NOC3L: variants seen among roughly 807,000 people sequenced by gnomAD.
The protein encoded by NOC3L is nucleolar complex protein 3 homolog.
Under a neutral mutation model 102.5 loss-of-function variants are expected in NOC3L, and 85 were observed. The ratio of observed to expected loss-of-function variants is 0.83; its 90% CI spans 0.70 to 0.99. The LOEUF (loss-of-function observed/expected upper bound fraction) is 0.99, where lower values mean the gene tolerates loss of function less well. Among genes scored for constraint, NOC3L ranks in the 50% least tolerant of loss-of-function variants. The pLI is 0.00. For missense variants in NOC3L, 878 were observed against 914.9 expected, an observed-to-expected ratio of 0.96 and a Z score of 0.52; for synonymous variants, 303 against 309.4, an observed-to-expected ratio of 0.98 and a Z score of 0.22.
chr10:94,319,424 TAA>T, the NOC3L span, among the ~76,000 whole-genome samples: 1 of 152,214 alleles, frequency 6.6e-6, no homozygotes, highest in Non-Finnish European at 1.5e-5. Flanking sequence ...ATGGAACTAA[TAA>T]GACATATAAG....
chr10:94,348,096 G>A (rs2054367274), intron 10 of NOC3L, among the ~76,000 whole-genome samples: 1 of 149,852 alleles, frequency 6.7e-6, no homozygotes, highest in African/African-American at 2.4e-5. Context: ...TGAAATAACT[G>A]GCTGTCAGAT....
the NOC3L span, chr10:94,316,815 C>A: frequency 8.4e-7 from 1 of 1,197,250 alleles, no homozygotes; most frequent in Non-Finnish European, 1.2e-6. Context: ...TAGCCATTTA[C>A]CACTCACAAC....
intron 12 of NOC3L, 136 bp from the exon 13 acceptor site, chr10:94,344,651 A>G (rs2133993215): frequency 1.4e-6 from 1 of 700,234 alleles, no homozygotes; most frequent in African/African-American, 1.8e-5. Context: ...GAAATTTTTA[A>G]CAAAACAGAA....
At chr10:94,341,541 T>C in intron 14 of NOC3L, 132 bp downstream of exon 14, 2 of 433,344 alleles carry the variant, frequency 4.6e-6, no homozygotes, top group South Asian at 1.3e-4. Context: ...TCATAGGCCT[T>C]TGTCAAAATT....
At chr10:94,325,219 G>A in the NOC3L span, 15 of 788,540 alleles carry the variant, frequency 1.9e-5, no homozygotes, top group Middle Eastern at 3.5e-4. Flanking sequence ...GTCCCTTGAA[G>A]GCAGGTAGGA....
chr10:94,318,827 A>AAGGC, the NOC3L span, among the ~76,000 whole-genome samples: 1 of 152,184 alleles, frequency 6.6e-6, no homozygotes, highest in South Asian at 2.1e-4. Context: ...TTGGGAAGCC[A>AAGGC]AGGCAGGCTC....
chr10:94,346,505 CT>C lies in NOC3L; in HGVS notation c.1308del (p.Asp437IlefsTer12). ...TTTGGTTTATTAATGTCTTCTGTATCTTTTTTCACTTCTACTTCCTTGATTC... is the reference window on the plus strand; with the variant it reads ...TTTGGTTTATTAATGTCTTCTGTATCTTTTTCACTTCTACTTCCTTGATTC... The part of the protein sequence containing the change: ...CLRIKEVEVK[K>X]DTEDINKPKK... On this transcript the variant is annotated frameshift_variant, in exon 11 of 21. Coordinates refer to ENST00000371361, the MANE Select transcript of NOC3L (RefSeq NM_022451.11). LOFTEE classifies it high-confidence loss of function. The C allele has an allele frequency of 6.8e-7, 1 of 1,463,906 alleles. No individual in the cohort carries two copies. The highest frequency in any genetic ancestry group is 1.3e-5 in the South Asian group (1 of 75,532). 90.7% of individuals were successfully genotyped at this position (1,463,906 alleles called of 1,614,324 possible). A position where few individuals can be genotyped will look rare whatever the true frequency, so the allele number is the denominator to read the frequency against.
At chr10:94,320,381 T>C in the NOC3L span, among the ~76,000 whole-genome samples, 1 of 152,156 alleles carries the variant, frequency 6.6e-6, no homozygotes, top group Admixed American at 6.5e-5. Flanking sequence ...ATCATGTAAT[T>C]ATAAGGCCAT....
chr10:94,362,366 T>A (rs1564920671), intron 1 of NOC3L, among the ~76,000 whole-genome samples: 1 of 152,312 alleles, frequency 6.6e-6, no homozygotes, highest in East Asian at 1.9e-4. Flanking sequence ...AATTCGGATC[T>A]TTGGATTCCA....
the NOC3L span, among the ~76,000 whole-genome samples, chr10:94,316,046 A>G: frequency 9.2e-5 from 14 of 152,174 alleles, no homozygotes; most frequent in African/African-American, 3.4e-4. Flanking sequence ...GCAGCCAACA[A>G]AGAAAACAAG....
In NOC3L at chr10:94,355,028, A is replaced by G. The variant is rs761404205; in HGVS notation, c.631T>C (p.Leu211=). 22 of 1,612,900 alleles carry G rather than the reference A, an allele frequency of 1.4e-5. No individual in the cohort carries two copies. In the South Asian group the frequency reaches 1.4e-4, roughly 10 times the overall value. Residue 211 remains leucine, a synonymous_variant, in exon 6 of 21, where the codon TTA becomes CTA. Coordinates refer to ENST00000371361, the MANE Select transcript of NOC3L (RefSeq NM_022451.11). ...GCAATATGCATCTTCTTCTCCTGTA[A>G]TTTCTTCTTTCTCTCAATCAAATGT... is the stretch of plus-strand genomic sequence containing the variant. ...EEHLIERKKK[L]QEKKMHIAAL... is the part of the protein sequence containing the mutation.
intron 13 of NOC3L, among the ~76,000 whole-genome samples, chr10:94,343,282 C>T (rs1448180230): frequency 6.6e-6 from 1 of 151,928 alleles, no homozygotes; most frequent in Non-Finnish European, 1.5e-5. Context: ...TGGTGGCTCA[C>T]GCCTGTAATC....
the NOC3L span, among the ~76,000 whole-genome samples, chr10:94,320,438 C>G: frequency 6.6e-6 from 1 of 152,134 alleles, no homozygotes; most frequent in Admixed American, 6.5e-5. Flanking sequence ...AGAAGCCAGT[C>G]CTTTCTGGCC....
chr10:94,357,950 A>C (rs1379048562), intron 3 of NOC3L, 133 bp downstream of exon 3: 1 of 649,856 alleles, frequency 1.5e-6, no homozygotes, highest in East Asian at 2.6e-5. Flanking sequence ...TTTAGGAAAT[A>C]AGCTAAATAA....
At chr10:94,332,553 A>G (rs977877647), downstream of NOC3L, 105 of 150,222 alleles carry the variant, frequency 7.0e-4, no homozygotes, top group Middle Eastern at 6.8e-3. Flanking sequence ...GTGTGTTTAA[A>G]CATAAGCTTA....
intron 6 of NOC3L, among the ~76,000 whole-genome samples, chr10:94,353,667 A>C (rs907181773): frequency 1.3e-5 from 2 of 152,256 alleles, no homozygotes; most frequent in Admixed American, 6.5e-5. Flanking sequence ...TTTGTCATAT[A>C]GTTAGAAACA....
intron 4 of NOC3L, 131 bp from the exon 5 acceptor site, chr10:94,356,722 A>AGC (rs1303177748): frequency 2.3e-5 from 15 of 638,864 alleles, no homozygotes; most frequent in South Asian, 4.0e-5. Context: ...ACAATTAGTG[A>AGC]TTGAGGTGAG....
Position 94,361,003 on chromosome 10 carries a change from CCTGT to C in NOC3L, c.217+658_217+661del, listed in dbSNP as rs571433430. On this transcript the variant is annotated intron_variant, in intron 2 of 20. Transcript: ENST00000371361. ...TCCAGCCTGGGTGACAGAACAAGAC[CCTGT>C]CTATTTAAAATAATAATAATAATTT... Among the ~76,000 whole-genome samples, 34 of 151,980 alleles carry C rather than the reference CCTGT, an allele frequency of 2.2e-4. No homozygotes were observed. In the East Asian group the frequency reaches 2.3e-3, roughly 10 times the overall value.
At chr10:94,329,477 A>G (rs1346431529), downstream of NOC3L, 2 of 152,194 alleles carry the variant, frequency 1.3e-5, no homozygotes, top group Non-Finnish European at 2.9e-5. Flanking sequence ...TTCTAAAAAC[A>G]GAAGTGTTAA....
Sources: allele counts gnomAD v4.1 joint callset (sites outside exome capture counted in the v4.1 genomes callset), GRCh38; gene constraint gnomAD v4.1.1; transcripts MANE v1.5; gene names NCBI Gene and HGNC (gene_info 2026-07-23, HGNC 2026-07-21).